ATF1: variants seen among roughly 807,000 people sequenced by gnomAD.
The protein encoded by ATF1 is activating transcription factor 1, also known as cyclic AMP-dependent transcription factor ATF-1.
A neutral mutation model predicts 34.7 loss-of-function variants in ATF1; 16 were observed. The ratio of observed to expected loss-of-function variants is 0.46; its 90% CI spans 0.31 to 0.70. The LOEUF (loss-of-function observed/expected upper bound fraction) is 0.70, where lower values mean the gene tolerates loss of function less well. ATF1 is among the 30% of genes least tolerant of loss of function. The pLI is 0.05. For missense variants in ATF1, 255 were observed against 321.6 expected (o/e 0.79, Z 1.58); for synonymous variants, 105 against 113.1 (o/e 0.93, Z 0.46).
chr12:50,812,917 A>T (rs1008363044), intron 4 of ATF1, among the ~76,000 whole-genome samples: 2 of 152,186 alleles, frequency 1.3e-5, no homozygotes, highest in Non-Finnish European at 2.9e-5. Flanking sequence ...AGGGATAATT[A>T]TGAATGCGTG....
intron 1 of ATF1, among the ~76,000 whole-genome samples, chr12:50,769,937 A>G (rs1376232909): frequency 6.6e-6 from 1 of 152,240 alleles, no homozygotes; most frequent in East Asian, 1.9e-4. Context: ...TGAATATCAA[A>G]TGAAACATGA....
intron 4 of ATF1, 71 bp from the exon 5 acceptor site, chr12:50,813,939 G>A (rs2139695589): frequency 1.4e-6 from 2 of 1,451,490 alleles, no homozygotes; most frequent in Admixed American, 2.2e-5. Context: ...GTGTTTGTGG[G>A]CTTTTTGCCA....
Position 50,811,733 on chromosome 12 carries a change from G to C in ATF1, c.328+2144G>C, listed in dbSNP as rs59522501. On this transcript the variant is annotated intron_variant, in intron 4 of 6. Coordinates refer to ENST00000262053, the MANE Select transcript of ATF1 (RefSeq NM_005171.5). ...TTGAGTCTGGGAGTTCGAAGTTACC[G>C]TGAACCGTGATCGTACCACCGCACT... Among the ~76,000 whole-genome samples the C allele has an allele frequency of 5.0e-3, 758 of 151,466 alleles. 22 individuals are homozygous for C. Among genetic ancestry groups the C allele is most frequent in the Admixed American group, 0.046 (701 of 15,172 alleles).
intron 2 of ATF1, among the ~76,000 whole-genome samples, chr12:50,782,134 ATG>A (rs752429503): frequency 9.2e-5 from 14 of 152,202 alleles, no homozygotes; most frequent in Non-Finnish European, 1.8e-4. Context: ...TTGCATATCT[ATG>A]TGAGGGCAGA....
intron 1 of ATF1, among the ~76,000 whole-genome samples, chr12:50,779,550 C>CTT (rs199952392): frequency 7.2e-6 from 1 of 139,532 alleles, no homozygotes; most frequent in African/African-American, 2.6e-5. Flanking sequence ...AGCCCTCTCT[C>CTT]TTTTTTTTTT....
chr12:50,807,814 T>G (rs144358663), intron 3 of ATF1, among the ~76,000 whole-genome samples: 1 of 54,416 alleles, frequency 1.8e-5, no homozygotes, highest in Non-Finnish European at 4.3e-5. Flanking sequence ...TTTTTTTTTG[T>G]TTTTTTTTTT....
intron 4 of ATF1, among the ~76,000 whole-genome samples, chr12:50,809,984 C>T (rs1199157656): frequency 2.6e-5 from 4 of 151,770 alleles, no homozygotes; most frequent in Admixed American, 2.0e-4. Flanking sequence ...CAGGCGTGTG[C>T]CACCACGCCC....
At chr12:50,787,920 A>G (rs1941218569) in intron 2 of ATF1, among the ~76,000 whole-genome samples, 1 of 152,186 alleles carries the variant, frequency 6.6e-6, no homozygotes, top group Non-Finnish European at 1.5e-5. Flanking sequence ...GTGGAATAAT[A>G]TCTCTTTAAC....
chr12:50,792,228 T>C (rs1340751698), intron 2 of ATF1, among the ~76,000 whole-genome samples: 2 of 152,222 alleles, frequency 1.3e-5, no homozygotes, highest in African/African-American at 2.4e-5. Context: ...ATAGTTAGTT[T>C]GTACTCTCAA....
At chr12:50,782,279 A>C (rs188654474) in intron 2 of ATF1, among the ~76,000 whole-genome samples, 1,585 of 151,818 alleles carry the variant, frequency 0.01, 28 homozygotes, top group African/African-American at 0.037. Context: ...TTTTTGAGAC[A>C]GTGTCTCGCT....
At chr12:50,769,816 C>G (rs186634920) in intron 1 of ATF1, among the ~76,000 whole-genome samples, 33 of 152,240 alleles carry the variant, frequency 2.2e-4, no homozygotes, top group Non-Finnish European at 3.5e-4. Context: ...TTATAATCAG[C>G]TATAGAACTC....
rs1002952607 is a variant in ATF1, at chr12:50,802,262, A to C, written c.194+6253A>C. 4.6e-5 allele frequency among the ~76,000 whole-genome samples: 7 copies of C among 152,378 alleles called. No individual in the cohort carries two copies. The South Asian group carries it at 8.3e-4, about 18-fold the overall frequency. ...TACTGGAGGCCAGGCACAGTGGCTCATGCCTGTAATCCCAACACTTTGGGA... is the reference window on the plus strand; with the variant it reads ...TACTGGAGGCCAGGCACAGTGGCTCCTGCCTGTAATCCCAACACTTTGGGA... On this transcript the variant is annotated intron_variant, in intron 3 of 6. Coordinates refer to ENST00000262053, the MANE Select transcript of ATF1 (RefSeq NM_005171.5).
At chr12:50,814,514 A>G (rs1941802891) in intron 6 of ATF1, 75 bp downstream of exon 6, 7 of 1,441,656 alleles carry the variant, frequency 4.9e-6, no homozygotes, top group Non-Finnish European at 5.7e-6. Flanking sequence ...TGTTAACTGG[A>G]ACTGTATACA....
chr12:50,805,435 G>A (rs532276677), intron 3 of ATF1, among the ~76,000 whole-genome samples: 193 of 151,866 alleles, frequency 1.3e-3, no homozygotes, highest in African/African-American at 4.5e-3. Flanking sequence ...GTGCATGCCT[G>A]TAGTCCCAGC....
chr12:50,797,594 G>A (rs1342186565), intron 3 of ATF1, among the ~76,000 whole-genome samples: 1 of 152,096 alleles, frequency 6.6e-6, no homozygotes, highest in Non-Finnish European at 1.5e-5. Flanking sequence ...TCAGCCTCCT[G>A]AGTACCTGGG....
intron 1 of ATF1, among the ~76,000 whole-genome samples, chr12:50,772,286 G>C (rs1940791283): frequency 6.7e-6 from 1 of 149,216 alleles, no homozygotes; most frequent in Non-Finnish European, 1.5e-5. Context: ...CTATATTTTT[G>C]CAAGTTTTGT....
chr12:50,801,609 G>A (rs1423262004), intron 3 of ATF1, among the ~76,000 whole-genome samples: 2 of 152,044 alleles, frequency 1.3e-5, no homozygotes, highest in Middle Eastern at 3.2e-3. Context: ...CATGTAAAAG[G>A]TAGTATATGC....
At chr12:50,782,469 A>T (rs1251025800) in intron 2 of ATF1, among the ~76,000 whole-genome samples, 1 of 148,244 alleles carries the variant, frequency 6.7e-6, no homozygotes, top group Admixed American at 6.7e-5. Flanking sequence ...GTTAGCCAGG[A>T]TGGTCTTGAT....
chr12:50,783,296 G>A (rs1941111895), intron 2 of ATF1, among the ~76,000 whole-genome samples: 1 of 152,146 alleles, frequency 6.6e-6, no homozygotes, highest in Non-Finnish European at 1.5e-5. Flanking sequence ...AGTCCTTTAA[G>A]CTTGATATAT....
Sources: gnomAD v4.1 joint callset for allele counts (sites outside exome capture counted in the v4.1 genomes callset) on GRCh38, gnomAD v4.1.1 for gene constraint, MANE v1.5 for transcripts, NCBI Gene and HGNC (gene_info 2026-07-23, HGNC 2026-07-21) for gene names.